The following STK32B variants were observed in gnomAD, a reference collection of about 807,000 sequenced individuals.
The protein encoded by STK32B is serine/threonine kinase 32B.
Under a neutral mutation model 52.6 loss-of-function variants are expected in STK32B, and 43 were observed. That is an observed-to-expected ratio of 0.82 (90% CI 0.64 to 1.05). The LOEUF is 1.05. STK32B is among the 50% of genes least tolerant of loss of function. The pLI is 0.00. For missense variants in STK32B, 621 were observed against 534.6 expected (o/e 1.16, Z -1.59); for synonymous variants, 238 against 204.3 (o/e 1.17, Z -1.41).
chr4:5,120,207 C>T (rs927646333), intron 1 of STK32B, among the ~76,000 whole-genome samples: 1 of 152,164 alleles, frequency 6.6e-6, no homozygotes, highest in Non-Finnish European at 1.5e-5. Context: ...GACATCTGGC[C>T]ATCGACATCG....
intron 3 of STK32B, among the ~76,000 whole-genome samples, chr4:5,185,126 G>A (rs1221580730): frequency 6.6e-6 from 1 of 152,026 alleles, no homozygotes; most frequent in East Asian, 1.9e-4. Flanking sequence ...AATGTTAATG[G>A]GTCAGTAGTT....
intron 6 of STK32B, among the ~76,000 whole-genome samples, chr4:5,445,795 C>T (rs553934455): frequency 2.1e-4 from 32 of 152,238 alleles, no homozygotes; most frequent in Non-Finnish European, 4.4e-4. Context: ...AAAGGAAAAC[C>T]GGTACCCATG....
At chr4:5,296,876 T>C (rs1729238194) in intron 3 of STK32B, among the ~76,000 whole-genome samples, 1 of 152,218 alleles carries the variant, frequency 6.6e-6, no homozygotes, top group South Asian at 2.1e-4. Context: ...CTTTATATTT[T>C]GGTATGTTTT....
In STK32B at chr4:5,486,398, G is replaced by A. The variant is rs577959400; in HGVS notation, c.1107-12547G>A. ...GGATCCTCCCAGCCAGGCGCGGGAT[G>A]TAATTGCTGGTGTGCCGTTTGCTAA... is the stretch of plus-strand genomic sequence containing the variant. On this transcript the variant is annotated intron_variant, in intron 11 of 11. Transcript: ENST00000282908. 9.8e-5 allele frequency among the ~76,000 whole-genome samples: 15 copies of A among 152,340 alleles called. No homozygotes were observed. The East Asian group carries it at 2.9e-3, about 29-fold the overall frequency.
chr4:5,096,104 T>TA lies in STK32B; in HGVS notation c.53-43794dup, dbSNP rs1286406757. Among the ~76,000 whole-genome samples the TA allele has an allele frequency of 5.3e-5, 8 of 152,300 alleles. No homozygotes were observed. The East Asian group carries it at 1.5e-3, about 29-fold the overall frequency. On this transcript the variant is annotated intron_variant, in intron 1 of 11. Transcript: ENST00000282908. The stretch of plus-strand genomic sequence containing the variant: ...CTACAATGAGCATATGCTATAATAC[T>TA]AAAAAAATTGTTGAAAACATTCTAA...
intron 4 of STK32B, among the ~76,000 whole-genome samples, chr4:5,384,319 G>T (rs1736110316): frequency 6.6e-6 from 1 of 152,224 alleles, no homozygotes; most frequent in South Asian, 2.1e-4. Context: ...AAAATGCTCT[G>T]CAGGTAGAAG....
rs980871487 is a variant in STK32B at position 5,460,830 on chromosome 4, A to G, written c.909+602A>G. ...TTTAAGGGAATAAACCAGAGGGAAT[A>G]TAATAGGAAATGGGGCCAGGAGGGA... On this transcript the variant is annotated intron_variant, in intron 9 of 11. Coordinates refer to ENST00000282908, the MANE Select transcript of STK32B (RefSeq NM_018401.3). The surrounding 1 kb of genome is among the most constrained non-coding windows in gnomAD (Gnocchi z 4.8). Among the ~76,000 whole-genome samples the G allele has an allele frequency of 5.9e-5, 9 of 152,230 alleles. No individual in the cohort carries two copies. Among genetic ancestry groups the G allele is most frequent in the Non-Finnish European group, 8.8e-5 (6 of 68,044 alleles).
chr4:5,251,416 G>T (rs557627995), intron 3 of STK32B, among the ~76,000 whole-genome samples: 1 of 152,042 alleles, frequency 6.6e-6, no homozygotes, highest in Non-Finnish European at 1.5e-5. Context: ...TTATTTCTGG[G>T]CTCTGTATTC....
intron 2 of STK32B, among the ~76,000 whole-genome samples, chr4:5,160,087 G>A (rs968460033): frequency 3.9e-5 from 6 of 152,122 alleles, no homozygotes; most frequent in African/African-American, 9.6e-5. Context: ...CAAAACACCC[G>A]CACAGACACA....
At chr4:5,438,142 T>C in intron 6 of STK32B, 1 of 985,248 alleles carries the variant, frequency 1.0e-6, no homozygotes, top group Non-Finnish European at 1.2e-6. Context: ...CCCTGCGCTA[T>C]TGGAGCTTGT....
chr4:5,391,583 A>G (rs982975724), intron 4 of STK32B, among the ~76,000 whole-genome samples: 2 of 152,186 alleles, frequency 1.3e-5, no homozygotes, highest in African/African-American at 4.8e-5. Flanking sequence ...ATCCAGAGAT[A>G]AGGCCAGGGA....
At chr4:5,123,026 C>G (rs1406768956) in intron 1 of STK32B, among the ~76,000 whole-genome samples, 1 of 152,132 alleles carries the variant, frequency 6.6e-6, no homozygotes, top group African/African-American at 2.4e-5. Context: ...TTTCTCATTT[C>G]TCACTGCTGG....
At chr4:5,252,137 TAA>T (rs995528776) in intron 3 of STK32B, among the ~76,000 whole-genome samples, 13 of 152,302 alleles carry the variant, frequency 8.5e-5, no homozygotes, top group African/African-American at 2.6e-4. Flanking sequence ...GAAGAAAATT[TAA>T]AAAGAGTAGT....
At position 5,156,630 on chromosome 4, in the gene STK32B, A is replaced by C. The variant is rs115307828; in HGVS notation, c.109-11669A>C. 4.0e-3 allele frequency among the ~76,000 whole-genome samples: 614 copies of C among 152,324 alleles called. 5 individuals are homozygous for C. The highest frequency in any genetic ancestry group is 0.01 in the African/African-American group (420 of 41,572). ...GGATACCTTTGGGAGGACTCTGAGG[A>C]GTGAGCTTCGAAAGTGTCTTCTTGG... On this transcript the variant is annotated intron_variant, in intron 2 of 11. Transcript: ENST00000282908.
chr4:5,338,597 G>T (rs1203659744), intron 4 of STK32B, among the ~76,000 whole-genome samples: 1 of 152,206 alleles, frequency 6.6e-6, no homozygotes, highest in Non-Finnish European at 1.5e-5. Flanking sequence ...ACATTGGTGA[G>T]ATAAATGCCG....
chr4:5,452,927 A>G (rs1317802077), intron 7 of STK32B, among the ~76,000 whole-genome samples: 1 of 151,998 alleles, frequency 6.6e-6, no homozygotes, highest in Non-Finnish European at 1.5e-5. Context: ...CTGACACAGC[A>G]TATCCTAAGG....
At chr4:5,348,992 C>G (rs1733654880) in intron 4 of STK32B, among the ~76,000 whole-genome samples, 1 of 152,154 alleles carries the variant, frequency 6.6e-6, no homozygotes, top group Non-Finnish European at 1.5e-5. Context: ...GCTGGCCTGC[C>G]CAGCCCATCA....
chr4:5,333,422 T>C (rs1219156058), intron 4 of STK32B, among the ~76,000 whole-genome samples: 1 of 152,242 alleles, frequency 6.6e-6, no homozygotes, highest in Non-Finnish European at 1.5e-5. Flanking sequence ...TCCCATTTTG[T>C]AGGTTGCCTG....
rs187787480 is a variant in STK32B, at chr4:5,317,622, C to G, written c.261-13598C>G. Among the ~76,000 whole-genome samples the G allele has an allele frequency of 2.1e-3, 301 of 142,152 alleles. 3 individuals carry two copies. The highest frequency in any genetic ancestry group is 8.0e-3 in the African/African-American group (290 of 36,212). The allele number at this position is 142,152 out of a possible 152,430, so 93.3% of individuals were successfully genotyped here. A position where few individuals can be genotyped will look rare whatever the true frequency, so the allele number is the denominator to read the frequency against. On this transcript the variant is annotated intron_variant, in intron 3 of 11. Coordinates refer to ENST00000282908, the MANE Select transcript of STK32B (RefSeq NM_018401.3). ...CCACTGAAGCAACACTCAGTGAACACTCATGCCCTGGACCAGGCCCTGAGT... is the reference window on the plus strand; with the variant it reads ...CCACTGAAGCAACACTCAGTGAACAGTCATGCCCTGGACCAGGCCCTGAGT...
Sources: allele counts gnomAD v4.1 joint callset (sites outside exome capture counted in the v4.1 genomes callset), GRCh38; gene constraint gnomAD v4.1.1; non-coding constraint Gnocchi (gnomAD v3.1); transcripts MANE v1.5; gene names NCBI Gene and HGNC (gene_info 2026-07-23, HGNC 2026-07-21).